Variants in LEMD3 observed in about 807,000 individuals in gnomAD.
LEMD3 encodes the protein inner nuclear membrane protein Man1.
Under a neutral mutation model 95.2 loss-of-function variants are expected in LEMD3, and 33 were observed. That is an observed-to-expected ratio of 0.35 (90% CI 0.26 to 0.46). The LOEUF is 0.46. Ranked by LOEUF, LEMD3 falls within the 20% of genes least tolerant of loss-of-function variation. The pLI, the probability that LEMD3 is intolerant of heterozygous loss-of-function variation, is 1.00. For synonymous variants in LEMD3, 525 were observed against 474.6 expected (o/e 1.11, Z -1.38); for missense variants, 1,210 against 1,192.8 (o/e 1.01, Z -0.21).
At chr12:65,226,285 G>T (rs1870446033) in intron 4 of LEMD3, among the ~76,000 whole-genome samples, 1 of 152,212 alleles carries the variant, frequency 6.6e-6, no homozygotes, top group African/African-American at 2.4e-5. Flanking sequence ...GCACTGCCCT[G>T]TGGGGTGATG....
chr12:65,207,588 A>C (rs894014809), intron 1 of LEMD3, among the ~76,000 whole-genome samples: 5 of 152,152 alleles, frequency 3.3e-5, no homozygotes, highest in Non-Finnish European at 7.4e-5. Flanking sequence ...CAGTCTTCTG[A>C]GAGAATATTT....
chr12:65,212,898 TA>T (rs1254060968), intron 2 of LEMD3, among the ~76,000 whole-genome samples: 1 of 152,236 alleles, frequency 6.6e-6, no homozygotes, highest in Admixed American at 6.5e-5. Flanking sequence ...AATCAAACTG[TA>T]AACCAGTAAG....
chr12:65,201,653 C>T (rs193245940), intron 1 of LEMD3, among the ~76,000 whole-genome samples: 2 of 152,248 alleles, frequency 1.3e-5, no homozygotes, highest in East Asian at 3.9e-4. Context: ...ATCTTGCAAC[C>T]TTGCTTATTA....
At chr12:65,212,459 C>G (rs1466325737) in intron 2 of LEMD3, among the ~76,000 whole-genome samples, 1 of 151,154 alleles carries the variant, frequency 6.6e-6, no homozygotes, top group Non-Finnish European at 1.5e-5. Flanking sequence ...ATGGCCTGAA[C>G]CCGGGAGGCG....
At chr12:65,213,087 A>AAGATAGATAGATAGAT (rs147534273) in intron 2 of LEMD3, among the ~76,000 whole-genome samples, 2,449 of 151,990 alleles carry the variant, frequency 0.016, 75 homozygotes, top group African/African-American at 0.057. Context: ...CAAGACTGTA[A>AAGATAGATAGATAGAT]AGATAGATAG....
intron 1 of LEMD3, among the ~76,000 whole-genome samples, chr12:65,193,194 G>A (rs1445344982): frequency 1.3e-5 from 2 of 152,174 alleles, no homozygotes; most frequent in East Asian, 3.9e-4. Flanking sequence ...CAGAAGGAGA[G>A]ATTGAGGCAA....
intron 1 of LEMD3, among the ~76,000 whole-genome samples, chr12:65,186,021 TTTTA>T (rs1869050067): frequency 6.6e-6 from 1 of 152,086 alleles, no homozygotes; most frequent in South Asian, 2.1e-4. Flanking sequence ...ACGTGCTATT[TTTTA>T]TTTCATGCTG....
rs746675293 is a variant in LEMD3, at chr12:65,193,732, C to CTGTGTGTGTGTGTGTGTG, written c.1523-17168_1523-17151dup. On this transcript the variant is annotated intron_variant, in intron 1 of 12. Coordinates refer to ENST00000308330, the MANE Select transcript of LEMD3 (RefSeq NM_014319.5). Reference sequence around the variant, plus strand: ...CCTGATGGTCGCCTAACATAACTGGCTGTGTGTGTGTGTGTGTGTGTGTGT... The same window carrying CTGTGTGTGTGTGTGTGTG: ...CCTGATGGTCGCCTAACATAACTGGCTGTGTGTGTGTGTGTGTGTGTGTGTGTGTGTGTGTGTGTGTGT... Among the ~76,000 whole-genome samples the CTGTGTGTGTGTGTGTGTG allele has an allele frequency of 5.5e-3, 717 of 129,422 alleles. 8 individuals are homozygous for CTGTGTGTGTGTGTGTGTG. The highest frequency in any genetic ancestry group is 0.013 in the African/African-American group (420 of 32,848). The allele number at this position is 129,422 out of a possible 152,430, so 84.9% of individuals were successfully genotyped here.
At chr12:65,225,710 A>T (rs562205620) in intron 4 of LEMD3, among the ~76,000 whole-genome samples, 2 of 152,248 alleles carry the variant, frequency 1.3e-5, no homozygotes, top group Non-Finnish European at 2.9e-5. Context: ...CCTCCCAAGT[A>T]GCTGGAACTA....
chr12:65,225,549 G>C (rs1870421013), intron 4 of LEMD3, among the ~76,000 whole-genome samples: 1 of 152,106 alleles, frequency 6.6e-6, no homozygotes, highest in African/African-American at 2.4e-5. Context: ...GGTGTCTGTA[G>C]ATTATCTGGA....
At chr12:65,193,896 TC>T (rs1869327188) in intron 1 of LEMD3, among the ~76,000 whole-genome samples, 1 of 152,086 alleles carries the variant, frequency 6.6e-6, no homozygotes, top group Non-Finnish European at 1.5e-5. Flanking sequence ...AACCCATAGT[TC>T]TATAATCTTA....
rs764588271 is a variant in LEMD3, at chr12:65,246,111, A to G, written c.2573-51A>G. ...TCTTTTACCACAGTTAATTTTCTGC[A>G]AATATTAAACAGTTTTACTGATCTA... On this transcript the variant is annotated intron_variant, in intron 12 of 12. Coordinates refer to ENST00000308330, the MANE Select transcript of LEMD3 (RefSeq NM_014319.5). 2.8e-6 allele frequency: 4 copies of G among 1,448,076 alleles called. No homozygotes were observed. In the South Asian group the frequency reaches 4.6e-5, roughly 17 times the overall value. 89.7% of individuals were successfully genotyped at this position (1,448,076 alleles called of 1,614,324 possible). A position where few individuals can be genotyped will look rare whatever the true frequency, so the allele number is the denominator to read the frequency against.
chr12:65,235,797 A>T (rs1222760819), intron 4 of LEMD3, among the ~76,000 whole-genome samples: 1 of 152,182 alleles, frequency 6.6e-6, no homozygotes, highest in African/African-American at 2.4e-5. Flanking sequence ...TTTTAAGCAG[A>T]TAGCTGTTTA....
intron 4 of LEMD3, among the ~76,000 whole-genome samples, chr12:65,238,296 A>G (rs554743460): frequency 1.3e-5 from 2 of 152,264 alleles, no homozygotes; most frequent in South Asian, 4.1e-4. Flanking sequence ...TAAAAAAGCA[A>G]AATATTAACA....
At chr12:65,241,212 G>A in intron 9 of LEMD3, 125 bp downstream of exon 9, 1 of 792,084 alleles carries the variant, frequency 1.3e-6, no homozygotes, top group Non-Finnish European at 2.1e-6. Flanking sequence ...CTGTTTCGTA[G>A]AAGGAATCAG....
intron 4 of LEMD3, among the ~76,000 whole-genome samples, chr12:65,230,718 T>TC (rs1870599565): frequency 6.6e-6 from 1 of 152,214 alleles, no homozygotes; most frequent in Admixed American, 6.5e-5. Flanking sequence ...ACAATTTTTC[T>TC]CCTTTCCAAT....
At chr12:65,177,221 T>G (rs1234783945) in intron 1 of LEMD3, among the ~76,000 whole-genome samples, 3 of 152,152 alleles carry the variant, frequency 2.0e-5, no homozygotes, top group Non-Finnish European at 4.4e-5. Context: ...ATTGGTCCTT[T>G]AAGAAGGATA....
chr12:65,211,544 T>A (rs189624479), intron 2 of LEMD3, among the ~76,000 whole-genome samples: 1 of 152,340 alleles, frequency 6.6e-6, no homozygotes, highest in East Asian at 1.9e-4. Flanking sequence ...GAGATTAAGA[T>A]GTTTAAGCTT....
intron 4 of LEMD3, among the ~76,000 whole-genome samples, chr12:65,220,513 A>G (rs1439803255): frequency 6.6e-6 from 1 of 152,036 alleles, no homozygotes; most frequent in Non-Finnish European, 1.5e-5. Context: ...CCCATTCTGT[A>G]GGTTACTTTT....
Sources: allele counts gnomAD v4.1 joint callset (sites outside exome capture counted in the v4.1 genomes callset), GRCh38; gene constraint gnomAD v4.1.1; transcripts MANE v1.5; gene names NCBI Gene and HGNC (gene_info 2026-07-23, HGNC 2026-07-21).